Variants in PIK3R5 observed in about 807,000 individuals in gnomAD.
PIK3R5 encodes phosphoinositide 3-kinase regulatory subunit 5.
A neutral mutation model predicts 94.9 loss-of-function variants in PIK3R5; 32 were observed. That is an observed-to-expected ratio of 0.34 (90% confidence interval 0.25 to 0.45). PIK3R5 has a LOEUF of 0.45. PIK3R5 is among the 20% of genes least tolerant of loss of function. The probability of loss-of-function intolerance (pLI) is 1.00; values close to 1 mark genes in which losing one functional copy is unlikely to be tolerated. For missense variants in PIK3R5, 853 were observed against 1,144.6 expected, an observed-to-expected ratio of 0.75 and a Z score of 3.68; for synonymous variants, 443 against 479.4, an observed-to-expected ratio of 0.92 and a Z score of 0.99.
At chr17:8,950,960 T>C (rs986354526) in intron 1 of PIK3R5, among the ~76,000 whole-genome samples, 8 of 152,196 alleles carry the variant, frequency 5.3e-5, no homozygotes, top group Admixed American at 2.0e-4. Context: ...CGCCAGCATC[T>C]GTTGTTTTTT....
At chr17:8,959,361 G>A (rs1229176720) in intron 1 of PIK3R5, among the ~76,000 whole-genome samples, 1 of 152,238 alleles carries the variant, frequency 6.6e-6, no homozygotes, top group Non-Finnish European at 1.5e-5. Context: ...GTCCCTTGGT[G>A]AACTGCAGAG....
chr17:8,884,897 G>C lies in PIK3R5; in HGVS notation c.2129-114C>G. 1.2e-6 allele frequency: 1 copy of C among 805,806 alleles called. No individual in the cohort carries two copies. Among genetic ancestry groups the C allele is most frequent in the Non-Finnish European group, 2.1e-6 (1 of 478,426 alleles). 49.9% of individuals were successfully genotyped at this position (805,806 alleles called of 1,614,324 possible). ...CCCCATCCCCTACCACATGGACCGT[G>C]ACTCCCTAGGGATCTGTCTCACCAA... On this transcript the variant is annotated intron_variant, in intron 14 of 18. Coordinates refer to ENST00000447110, the MANE Select transcript of PIK3R5 (RefSeq NM_001142633.3). The surrounding 1 kb of genome is among the most constrained non-coding windows in gnomAD (Gnocchi z 5.8).
chr17:8,946,111 A>G (rs977814586), intron 1 of PIK3R5, among the ~76,000 whole-genome samples: 3 of 152,200 alleles, frequency 2.0e-5, no homozygotes, highest in Non-Finnish European at 4.4e-5. Flanking sequence ...ATCCACGGGC[A>G]TAATAAAACC....
At chr17:8,928,032 C>T (rs892904949) in intron 1 of PIK3R5, among the ~76,000 whole-genome samples, 17 of 152,236 alleles carry the variant, frequency 1.1e-4, no homozygotes, top group Middle Eastern at 3.4e-3. Flanking sequence ...GTACAGCCTG[C>T]GGAACTGTGA....
intron 1 of PIK3R5, among the ~76,000 whole-genome samples, chr17:8,943,591 G>A (rs1446202158): frequency 1.3e-5 from 2 of 152,136 alleles, no homozygotes; most frequent in Admixed American, 1.3e-4. Context: ...GCCAATATGG[G>A]TGAAACCCCG....
At chr17:8,905,559 G>A (rs1597391782) in intron 4 of PIK3R5, 110 bp downstream of exon 4, 2 of 708,152 alleles carry the variant, frequency 2.8e-6, no homozygotes, top group Non-Finnish European at 4.5e-6. Flanking sequence ...GCCGCTGCTT[G>A]ACAGTTTCTC....
intron 14 of PIK3R5, among the ~76,000 whole-genome samples, chr17:8,885,551 G>A (rs2089809402): frequency 8.9e-6 from 1 of 112,924 alleles, no homozygotes; most frequent in South Asian, 2.9e-4. Flanking sequence ...CGGTAACCCT[G>A]CCTCCCCAAG....
chr17:8,952,810 C>T (rs2091398889), intron 1 of PIK3R5, among the ~76,000 whole-genome samples: 1 of 152,136 alleles, frequency 6.6e-6, no homozygotes, highest in African/African-American at 2.4e-5. Context: ...GAGAAGTAAG[C>T]CTGCAGCTTT....
intron 5 of PIK3R5, among the ~76,000 whole-genome samples, chr17:8,899,209 G>A (rs1209122182): frequency 6.6e-6 from 1 of 152,230 alleles, no homozygotes; most frequent in Non-Finnish European, 1.5e-5. Flanking sequence ...TCATACGGGG[G>A]TGGAGTCAGG....
chr17:8,892,941 C>T lies in PIK3R5; in HGVS notation c.482+645G>A, dbSNP rs568510088. Among the ~76,000 whole-genome samples the T allele has an allele frequency of 6.6e-6, 1 of 152,218 alleles. No individual in the cohort carries two copies. Among genetic ancestry groups the T allele is most frequent in the East Asian group, 1.9e-4 (1 of 5,180 alleles). On this transcript the variant is annotated intron_variant, in intron 6 of 18. Coordinates refer to ENST00000447110, the MANE Select transcript of PIK3R5 (RefSeq NM_001142633.3). This position sits in a 1 kb window ranked among gnomAD's most constrained non-coding sequence, Gnocchi z 4.3. Reference sequence around the variant, plus strand: ...GTGCTTTTCAAACTGCAGGTCAGGACACAGGAGTGGGTAATGAAATCATCT... The same window carrying T: ...GTGCTTTTCAAACTGCAGGTCAGGATACAGGAGTGGGTAATGAAATCATCT...
chr17:8,926,124 T>A (rs540961715), intron 1 of PIK3R5, among the ~76,000 whole-genome samples: 1 of 152,054 alleles, frequency 6.6e-6, no homozygotes, highest in Non-Finnish European at 1.5e-5. Flanking sequence ...AAAACAAGCA[T>A]GTTTCAAGGA....
Position 8,925,564 on chromosome 17 carries a change from A to G in PIK3R5, c.-13-14057T>C, listed in dbSNP as rs1008139385. Among the ~76,000 whole-genome samples the G allele has an allele frequency of 2.0e-5, 3 of 152,220 alleles. No homozygotes were observed. Among genetic ancestry groups the G allele is most frequent in the African/African-American group, 7.2e-5 (3 of 41,454 alleles). ...AGATAGTAGATGGATAGATAGATAG[A>G]TAGAGAAAAAAGGAACACACATGCA... On this transcript the variant is annotated intron_variant, in intron 1 of 18. Coordinates refer to ENST00000447110, the MANE Select transcript of PIK3R5 (RefSeq NM_001142633.3). The surrounding 1 kb of genome is among the most constrained non-coding windows in gnomAD (Gnocchi z 5.1).
Position 8,881,525 on chromosome 17 carries a change from A to G in PIK3R5, c.2382+105T>C. ...TATGTACACACGGGTGTGTATGTGC[A>G]CACATGCACACACATACATGTGCAC... is the stretch of plus-strand genomic sequence containing the variant. On this transcript the variant is annotated intron_variant, in intron 17 of 18. Transcript: ENST00000447110. The surrounding 1 kb of genome is among the most constrained non-coding windows in gnomAD (Gnocchi z 4.8). The G allele has an allele frequency of 1.1e-6, 1 of 874,288 alleles. No homozygotes were observed. Among genetic ancestry groups the G allele is most frequent in the East Asian group, 2.6e-5 (1 of 38,012 alleles). The allele number at this position is 874,288 out of a possible 1,614,324, so 54.2% of individuals were successfully genotyped here. A position where few individuals can be genotyped will look rare whatever the true frequency, so the allele number is the denominator to read the frequency against.
rs1005687154 is a variant in PIK3R5, at chr17:8,880,447, G to C, written c.*192C>G. ...TATGGGGTCTGGCCCTTCTCTCTCTGATAGCTGTTGCTTTCCCAGAACCCT... is the reference window on the plus strand; with the variant it reads ...TATGGGGTCTGGCCCTTCTCTCTCTCATAGCTGTTGCTTTCCCAGAACCCT... On this transcript the variant is annotated 3_prime_UTR_variant, in exon 19 of 19. Coordinates refer to ENST00000447110, the MANE Select transcript of PIK3R5 (RefSeq NM_001142633.3). 2.1e-5 allele frequency: 11 copies of C among 532,528 alleles called. No individual in the cohort carries two copies. The Admixed American group carries it at 3.5e-4, about 17-fold the overall frequency. 33.0% of individuals were successfully genotyped at this position (532,528 alleles called of 1,614,324 possible).
rs112515680 is a variant in PIK3R5, at chr17:8,911,601, G to A, written c.-13-94C>T. ...ACAACAGGTGCTCACAGTGCAGCGCGATCAGCCCAGCCCAGCTATAGCTCA... is the reference window on the plus strand; with the variant it reads ...ACAACAGGTGCTCACAGTGCAGCGCAATCAGCCCAGCCCAGCTATAGCTCA... On this transcript the variant is annotated intron_variant, in intron 1 of 18. Coordinates refer to ENST00000447110, the MANE Select transcript of PIK3R5 (RefSeq NM_001142633.3). The surrounding 1 kb of genome is among the most constrained non-coding windows in gnomAD (Gnocchi z 5.3). The A allele has an allele frequency of 6.7e-3, 5,162 of 769,522 alleles. 34 individuals carry two copies. Among genetic ancestry groups the A allele is most frequent in the Non-Finnish European group, 9.0e-3 (4,214 of 469,496 alleles). 47.7% of individuals were successfully genotyped at this position (769,522 alleles called of 1,614,324 possible).
Position 8,886,295 on chromosome 17 carries a change from T to C in PIK3R5, c.2062A>G (p.Thr688Ala), listed in dbSNP as rs1002251901. The change falls in exon 14 of 19, where the codon ACA (threonine) becomes GCA (alanine). Residue 688 changes from threonine to alanine, a missense_variant. Thr to Ala is a moderately conservative substitution (Grantham distance 58). This residue lies in a region of PIK3R5 where 173 missense variants were observed against 274.1 expected (regional missense o/e 0.63). Coordinates refer to ENST00000447110, the MANE Select transcript of PIK3R5 (RefSeq NM_001142633.3). ...ELTFITGEKT[T>A]EIFIHSLELG... ...TCCAAGGAGTGGATGAAGATCTCTG[T>C]CGTCTTCTCCCCAGTGATGAAGGTC... 3 of 1,613,620 alleles carry C rather than the reference T, an allele frequency of 1.9e-6. No individual in the cohort carries two copies. Among genetic ancestry groups the C allele is most frequent in the African/African-American group, 2.7e-5 (2 of 74,936 alleles).
Position 8,911,443 on chromosome 17 carries a change from C to T in PIK3R5, c.52G>A (p.Glu18Lys), listed in dbSNP as rs559243993. The T allele has an allele frequency of 6.2e-7, 1 of 1,600,046 alleles. No individual in the cohort carries two copies. The highest frequency in any genetic ancestry group is 8.5e-7 in the Non-Finnish European group (1 of 1,179,914). Residue 18 changes from glutamate (E) to lysine (K), a missense_variant, in exon 2 of 19, where the codon GAA (glutamate) becomes AAA (lysine). Coordinates refer to ENST00000447110, the MANE Select transcript of PIK3R5 (RefSeq NM_001142633.3). The surrounding 1 kb of genome is among the most constrained non-coding windows in gnomAD (Gnocchi z 5.3). ...AGGCTGAGTCCATGCAGGCAGCGTT[C>T]CAGGGCATGCTGGATGCGGTCCTCC... Reference protein sequence around the residue: ...CTEDRIQHALERCLHGLSLSR... With the variant: ...CTEDRIQHALKRCLHGLSLSR...
At chr17:8,886,091 G>C in intron 14 of PIK3R5, 138 bp downstream of exon 14, 5 of 480,994 alleles carry the variant, frequency 1.0e-5, no homozygotes, top group South Asian at 1.9e-5. Context: ...CGGTAACCCC[G>C]TCTCCCCAGG....
At chr17:8,901,708 TGGGGGG>T (rs1055212515) in intron 5 of PIK3R5, among the ~76,000 whole-genome samples, 307 of 152,316 alleles carry the variant, frequency 2.0e-3, no homozygotes, top group African/African-American at 7.1e-3. Flanking sequence ...TACTTAGTAT[TGGGGGG>T]ACTGCTTTTT....
Sources: allele counts gnomAD v4.1 joint callset (sites outside exome capture counted in the v4.1 genomes callset), GRCh38; gene constraint gnomAD v4.1.1; regional missense constraint gnomAD v4.1.1; non-coding constraint Gnocchi (gnomAD v3.1); transcripts MANE v1.5; gene names NCBI Gene and HGNC (gene_info 2026-07-23, HGNC 2026-07-21).